Variants in SLC35E1 observed in about 807,000 individuals in gnomAD.
The protein encoded by SLC35E1 is solute carrier family 35, member E1.
In SLC35E1, 12 loss-of-function variants were observed where a neutral mutation model predicts 31.0. The observed-to-expected ratio is 0.39, with a 90% CI of 0.25 to 0.63. The LOEUF (loss-of-function observed/expected upper bound fraction) is 0.63. Among genes scored for constraint, SLC35E1 ranks in the 20% least tolerant of loss-of-function variants. SLC35E1 has a pLI of 0.52. For missense variants in SLC35E1, 429 were observed against 572.2 expected, an observed-to-expected ratio of 0.75 and a Z score of 2.55; for synonymous variants, 257 against 264.1, an observed-to-expected ratio of 0.97 and a Z score of 0.26.
chr19:16,561,976 CCAGGAGTTCAAGACCAACCTAGGCAA>C (rs951186738), intron 4 of SLC35E1, among the ~76,000 whole-genome samples: 1 of 152,014 alleles, frequency 6.6e-6, no homozygotes, highest in Admixed American at 6.6e-5. Flanking sequence ...TGGCTTAAGG[CCAGGAGTTCAAGACCAACCTAGGCAA>C]CAGTGGGAGA....
intron 4 of SLC35E1, among the ~76,000 whole-genome samples, chr19:16,564,662 A>G (rs1044925405): frequency 6.6e-6 from 1 of 152,114 alleles, no homozygotes; most frequent in Non-Finnish European, 1.5e-5. Context: ...CAAACACATA[A>G]AAGTTCACAA....
At chr19:16,561,775 G>A (rs1211473313) in intron 4 of SLC35E1, among the ~76,000 whole-genome samples, 1 of 152,196 alleles carries the variant, frequency 6.6e-6, no homozygotes, top group Non-Finnish European at 1.5e-5. Flanking sequence ...CTATGTGGGA[G>A]ACACAAGACA....
intron 4 of SLC35E1, among the ~76,000 whole-genome samples, chr19:16,563,053 G>A (rs1012107827): frequency 4.6e-5 from 7 of 152,150 alleles, no homozygotes; most frequent in Admixed American, 3.3e-4. Context: ...GGGCGTGGTC[G>A]CTTACGCCTA....
chr19:16,570,061 C>A (rs2085950076), intron 2 of SLC35E1, among the ~76,000 whole-genome samples: 1 of 152,190 alleles, frequency 6.6e-6, no homozygotes, highest in Non-Finnish European at 1.5e-5. Flanking sequence ...CCTTGCAGGG[C>A]AGGTTCCTAG....
At chr19:16,558,293 C>G (rs2085886447) in intron 4 of SLC35E1, among the ~76,000 whole-genome samples, 1 of 152,046 alleles carries the variant, frequency 6.6e-6, no homozygotes, top group Non-Finnish European at 1.5e-5. Context: ...ATCCGCCCAC[C>G]TTGGCCTCCC....
chr19:16,557,478 C>A (rs947689974), intron 4 of SLC35E1, among the ~76,000 whole-genome samples: 1 of 152,166 alleles, frequency 6.6e-6, no homozygotes, highest in African/African-American at 2.4e-5. Context: ...CTGGCATGAG[C>A]CACCACGCCT....
chr19:16,566,665 G>A lies in SLC35E1; in HGVS notation c.631-8C>T, dbSNP rs1276723335. On this transcript the variant is annotated splice_polypyrimidine_tract_variant and splice_region_variant and intron_variant, in intron 3 of 5. Transcript: ENST00000595753. ...CCGTGAATCTCGCAAGACCTGGAAA[G>A]GGAAAGCCTCTTTAGAGGGTGATTA... 2.5e-6 allele frequency: 4 copies of A among 1,610,930 alleles called. No individual in the cohort carries two copies. The East Asian group carries it at 6.7e-5, about 27-fold the overall frequency.
chr19:16,564,995 C>G (rs1283327583), intron 4 of SLC35E1: 1 of 382,586 alleles, frequency 2.6e-6, no homozygotes, highest in Middle Eastern at 3.6e-4. Flanking sequence ...AGAAATGTCA[C>G]AAATCCAGCT....
chr19:16,560,324 C>T (rs754092079), intron 4 of SLC35E1, among the ~76,000 whole-genome samples: 4 of 152,100 alleles, frequency 2.6e-5, no homozygotes, highest in Admixed American at 6.6e-5. Context: ...GTTTAATCAC[C>T]GTACTCTGCT....
At position 16,553,539 on chromosome 19, in the gene SLC35E1, A is replaced by C. The variant is rs1267488867; in HGVS notation, c.*140T>G. ...ATCCTCCTGCGGCTCACGGGGGGCC[A>C]GGAACCCCAGGGCTTCTGATGGAGA... On this transcript the variant is annotated 3_prime_UTR_variant, in exon 6 of 6. Transcript: ENST00000595753. 6.5e-6 allele frequency: 5 copies of C among 773,932 alleles called. No individual in the cohort carries two copies. The highest frequency in any genetic ancestry group is 9.4e-6 in the Non-Finnish European group (5 of 529,826). The allele number at this position is 773,932 out of a possible 1,614,324, so 47.9% of individuals were successfully genotyped here.
At chr19:16,565,077 T>G (rs1767266308) in intron 4 of SLC35E1, 1 of 455,534 alleles carries the variant, frequency 2.2e-6, no homozygotes, top group Non-Finnish European at 4.4e-6. Context: ...CGCACTGGCC[T>G]CCTCCTCACC....
intron 2 of SLC35E1, among the ~76,000 whole-genome samples, chr19:16,570,111 G>C (rs145024698): frequency 1.3e-5 from 2 of 152,184 alleles, no homozygotes; most frequent in African/African-American, 4.8e-5. Flanking sequence ...CTGCCTAACC[G>C]GGCCAATTCC....
At chr19:16,571,190 C>G (rs750682348) in intron 2 of SLC35E1, among the ~76,000 whole-genome samples, 50 of 152,168 alleles carry the variant, frequency 3.3e-4, no homozygotes, top group African/African-American at 1.2e-3. Flanking sequence ...GGTGTATGGC[C>G]AAGATGTGAC....
At chr19:16,569,711 TG>T (rs2085948378) in intron 2 of SLC35E1, among the ~76,000 whole-genome samples, 1 of 152,156 alleles carries the variant, frequency 6.6e-6, no homozygotes, top group African/African-American at 2.4e-5. Context: ...CCAGGAGTGA[TG>T]GAACGCGCCT....
chr19:16,561,946 G>T (rs967022689), intron 4 of SLC35E1, among the ~76,000 whole-genome samples: 5 of 152,114 alleles, frequency 3.3e-5, no homozygotes, highest in Non-Finnish European at 1.5e-5. Flanking sequence ...CCAGCACTTT[G>T]AGAGGCCAAG....
chr19:16,567,053 A>C (rs1440323413), intron 3 of SLC35E1, among the ~76,000 whole-genome samples: 3 of 152,250 alleles, frequency 2.0e-5, no homozygotes, highest in Admixed American at 6.5e-5. Context: ...GAAATAACTG[A>C]GACAGGAAAA....
chr19:16,555,389 G>C lies in SLC35E1; in HGVS notation c.765C>G (p.Val255=). 1 of 1,613,690 alleles carries C rather than the reference G, an allele frequency of 6.2e-7. No homozygotes were observed. The highest frequency in any genetic ancestry group is 8.5e-7 in the Non-Finnish European group (1 of 1,180,036). Residue 255 remains valine, a synonymous_variant, in exon 5 of 6, where the codon GTC becomes GTG. Coordinates refer to ENST00000595753, the MANE Select transcript of SLC35E1 (RefSeq NM_024881.5). This position sits in a 1 kb window ranked among gnomAD's most constrained non-coding sequence, Gnocchi z 4.1. ...GCAGGAGCGTCCAGGGCCACTGGTA[G>C]ACGTAGGTCTGCAGAGACCGGAAGG... is the stretch of plus-strand genomic sequence containing the variant. The part of the protein sequence containing the change: ...AFLVSSDLTY[V]YQWPWTLLLL...
At chr19:16,565,090 A>G (rs1387933812) in intron 4 of SLC35E1, 2 of 456,138 alleles carry the variant, frequency 4.4e-6, no homozygotes, top group South Asian at 3.1e-5. Context: ...TCCTCACCGC[A>G]GGCACTTGCA....
At chr19:16,561,255 A>G (rs1053666457) in intron 4 of SLC35E1, among the ~76,000 whole-genome samples, 8 of 150,830 alleles carry the variant, frequency 5.3e-5, no homozygotes, top group African/African-American at 1.9e-4. Flanking sequence ...AAAGAAAAGA[A>G]AAGAGAAAGC....
Sources: allele counts gnomAD v4.1 joint callset (sites outside exome capture counted in the v4.1 genomes callset), GRCh38; gene constraint gnomAD v4.1.1; non-coding constraint Gnocchi (gnomAD v3.1); transcripts MANE v1.5; gene names NCBI Gene and HGNC (gene_info 2026-07-23, HGNC 2026-07-21).